The following SLC7A2 variants were observed in gnomAD, a reference collection of about 807,000 sequenced individuals.
SLC7A2 encodes the protein solute carrier family 7 member 2.
Under a neutral mutation model 58.9 loss-of-function variants are expected in SLC7A2, and 48 were observed. The ratio of observed to expected loss-of-function variants is 0.82; its 90% CI spans 0.65 to 1.04. SLC7A2 has a LOEUF of 1.04. Among genes scored for constraint, SLC7A2 ranks in the 50% least tolerant of loss-of-function variants. The pLI, the probability that SLC7A2 is intolerant of heterozygous loss-of-function variation, is 0.00. For synonymous variants in SLC7A2, 363 were observed against 314.5 expected, an observed-to-expected ratio of 1.15 and a Z score of -1.63; for missense variants, 1,029 against 818.8, an observed-to-expected ratio of 1.26 and a Z score of -3.13.
intron 2 of SLC7A2, among the ~76,000 whole-genome samples, chr8:17,507,103 C>T (rs1490853434): frequency 6.6e-6 from 1 of 151,954 alleles, no homozygotes; most frequent in Non-Finnish European, 1.5e-5. Context: ...CACCACCATG[C>T]CTGGCTAATT....
chr8:17,539,018 A>G, intron 2 of SLC7A2: 1 of 1,134,612 alleles, frequency 8.8e-7, no homozygotes, highest in Non-Finnish European at 1.3e-6. Flanking sequence ...ATTCATTTCT[A>G]AGTGACTCAA....
At chr8:17,544,205 T>G (rs1802056745) in intron 3 of SLC7A2, among the ~76,000 whole-genome samples, 2 of 152,232 alleles carry the variant, frequency 1.3e-5, no homozygotes, top group East Asian at 3.9e-4. Flanking sequence ...TCTCTGACTA[T>G]GCCTTTTAGT....
chr8:17,561,710 G>A (rs77336202), intron 10 of SLC7A2, among the ~76,000 whole-genome samples: 2,616 of 152,276 alleles, frequency 0.017, 33 homozygotes, highest in South Asian at 0.03. Context: ...TAGGAGGGGC[G>A]GTTGGTTCTA....
At chr8:17,531,955 C>T (rs1252426529) in intron 2 of SLC7A2, among the ~76,000 whole-genome samples, 4 of 151,832 alleles carry the variant, frequency 2.6e-5, no homozygotes, top group Non-Finnish European at 4.4e-5. Flanking sequence ...TGGCTGGGCA[C>T]GGTGGCTCAT....
intron 2 of SLC7A2, among the ~76,000 whole-genome samples, chr8:17,523,102 C>A (rs1801082080): frequency 6.6e-6 from 1 of 151,912 alleles, no homozygotes; most frequent in African/African-American, 2.4e-5. Context: ...CACATGTATA[C>A]CCATGTAACA....
chr8:17,568,505 T>C lies in SLC7A2; in HGVS notation c.*3359T>C, dbSNP rs756714089. On this transcript the variant is annotated 3_prime_UTR_variant, in exon 13 of 13. Transcript: ENST00000494857. ...AGAACTTTACCATCACCAGCCGTAG[T>C]TGATAGAAAATATTAGTTTCAGAAT... 3 of 152,152 alleles carry C rather than the reference T, an allele frequency of 2.0e-5. No homozygotes were observed. Among genetic ancestry groups the C allele is most frequent in the Non-Finnish European group, 2.9e-5 (2 of 68,040 alleles). The allele number at this position is 152,152 out of a possible 1,614,324, so 9.4% of individuals were successfully genotyped here.
At chr8:17,506,208 G>A (rs1317985325) in intron 2 of SLC7A2, among the ~76,000 whole-genome samples, 4 of 152,204 alleles carry the variant, frequency 2.6e-5, no homozygotes, top group African/African-American at 9.6e-5. Context: ...AGTGGGTGTT[G>A]ATAAAATTTG....
chr8:17,530,440 C>T (rs951849675), intron 2 of SLC7A2, among the ~76,000 whole-genome samples: 3 of 152,174 alleles, frequency 2.0e-5, no homozygotes, highest in Admixed American at 6.5e-5. Flanking sequence ...CTACAGTACT[C>T]GTTGGAGAAT....
intron 7 of SLC7A2, among the ~76,000 whole-genome samples, chr8:17,553,692 C>T (rs932324475): frequency 4.6e-5 from 7 of 152,250 alleles, no homozygotes; most frequent in East Asian, 1.9e-4. Flanking sequence ...GTGGGAGGAT[C>T]GCTTGAGCCC....
At chr8:17,540,785 A>T (rs749160776) in intron 2 of SLC7A2, among the ~76,000 whole-genome samples, 1 of 152,174 alleles carries the variant, frequency 6.6e-6, no homozygotes, top group Non-Finnish European at 1.5e-5. Flanking sequence ...CACAAATAAC[A>T]TCATAATCAC....
intron 2 of SLC7A2, among the ~76,000 whole-genome samples, chr8:17,507,966 A>T (rs80105864): frequency 0.018 from 2,747 of 152,276 alleles, 50 homozygotes; most frequent in African/African-American, 0.054. Flanking sequence ...TACTTTTACC[A>T]GAAAATGGGA....
At chr8:17,550,085 C>T (rs1392087258) in intron 5 of SLC7A2, among the ~76,000 whole-genome samples, 1 of 152,142 alleles carries the variant, frequency 6.6e-6, no homozygotes, top group African/African-American at 2.4e-5. Context: ...TATCAATCAG[C>T]CTGTAATTGG....
intron 2 of SLC7A2, among the ~76,000 whole-genome samples, chr8:17,524,419 TGTACACACACACAC>T (rs1274020500): frequency 2.9e-5 from 4 of 139,358 alleles, no homozygotes; most frequent in African/African-American, 8.5e-5. Context: ...TGTGTGTGTG[TGTACACACACACAC>T]ACACACACAC....
At chr8:17,522,760 G>T (rs1801066622) in intron 2 of SLC7A2, among the ~76,000 whole-genome samples, 1 of 152,066 alleles carries the variant, frequency 6.6e-6, no homozygotes, top group Non-Finnish European at 1.5e-5. Context: ...GGTTGGCTGG[G>T]TACAGTGGCT....
At chr8:17,506,681 C>T (rs1800377357) in intron 2 of SLC7A2, among the ~76,000 whole-genome samples, 1 of 152,080 alleles carries the variant, frequency 6.6e-6, no homozygotes, top group South Asian at 2.1e-4. Context: ...GACTGGAGTC[C>T]AAGCATATTG....
chr8:17,552,567 ATGGTGGAAATT>A (rs1802504172), intron 7 of SLC7A2, among the ~76,000 whole-genome samples: 1 of 134,400 alleles, frequency 7.4e-6, no homozygotes, highest in Non-Finnish European at 1.6e-5. Context: ...TCTTAAATAA[ATGGTGGAAATT>A]CATATAAATA....
chr8:17,530,035 C>A (rs557251024), intron 2 of SLC7A2, among the ~76,000 whole-genome samples: 2 of 152,288 alleles, frequency 1.3e-5, no homozygotes, highest in East Asian at 3.9e-4. Flanking sequence ...CTTCTCCACA[C>A]CCTCTTATCT....
intron 2 of SLC7A2, among the ~76,000 whole-genome samples, chr8:17,533,597 A>G (rs1321318401): frequency 6.6e-6 from 1 of 152,216 alleles, no homozygotes; most frequent in African/African-American, 2.4e-5. Flanking sequence ...GAATAATTAC[A>G]GGAAACCAGA....
chr8:17,553,274 C>A (rs1802535534), intron 7 of SLC7A2, among the ~76,000 whole-genome samples: 1 of 152,138 alleles, frequency 6.6e-6, no homozygotes, highest in African/African-American at 2.4e-5. Flanking sequence ...TGGTCTTGAA[C>A]TCCTGGGCTC....
Sources: allele counts gnomAD v4.1 joint callset (sites outside exome capture counted in the v4.1 genomes callset), GRCh38; gene constraint gnomAD v4.1.1; transcripts MANE v1.5; gene names NCBI Gene and HGNC (gene_info 2026-07-23, HGNC 2026-07-21).